Variants in FAM222A observed in about 807,000 individuals in gnomAD.
FAM222A encodes family with sequence similarity 222 member A.
A neutral mutation model predicts 25.8 loss-of-function variants in FAM222A; 7 were observed. That is an observed-to-expected ratio of 0.27 (90% CI 0.15 to 0.51). The LOEUF (loss-of-function observed/expected upper bound fraction) is 0.51. Among genes scored for constraint, FAM222A ranks in the 20% least tolerant of loss-of-function variants. The pLI is 0.97. For missense variants in FAM222A, 573 were observed against 640.5 expected, an observed-to-expected ratio of 0.89 and a Z score of 1.14; for synonymous variants, 294 against 298.8, an observed-to-expected ratio of 0.98 and a Z score of 0.17.
At chr12:109,738,495 G>A (rs1888145808) in intron 1 of FAM222A, among the ~76,000 whole-genome samples, 1 of 152,334 alleles carries the variant, frequency 6.6e-6, no homozygotes, top group Non-Finnish European at 1.5e-5. Flanking sequence ...ATGGAGGTGA[G>A]AACTGTGGGA....
At position 109,769,971 on chromosome 12, in the gene FAM222A, G is replaced by C. The variant is rs527771882; in HGVS notation, c.*683G>C. 5.1e-4 allele frequency: 77 copies of C among 152,358 alleles called. No homozygotes were observed. Among genetic ancestry groups the C allele is most frequent in the Non-Finnish European group, 9.1e-4 (62 of 68,192 alleles). 9.4% of individuals were successfully genotyped at this position (152,358 alleles called of 1,614,324 possible). ...CCTTCCCTCCAATACATCTTATAGG[G>C]CTGCTGGGTACAGTTGTTCAGGCTG... On this transcript the variant is annotated 3_prime_UTR_variant, in exon 3 of 3. Coordinates refer to ENST00000538780, the MANE Select transcript of FAM222A (RefSeq NM_032829.3).
At chr12:109,739,221 A>C (rs1476523626) in intron 1 of FAM222A, among the ~76,000 whole-genome samples, 1 of 152,220 alleles carries the variant, frequency 6.6e-6, no homozygotes, top group Non-Finnish European at 1.5e-5. Flanking sequence ...CTTGGGGTCA[A>C]CCCAGCCTGG....
Position 109,738,550 on chromosome 12 carries a change from G to C in FAM222A, c.-46-5551G>C, listed in dbSNP as rs1888147462. The stretch of plus-strand genomic sequence containing the variant: ...CTATCCTGCCACCACCCCCAGGAAG[G>C]CTGCGAGGCCCTGAGGAGTGGCCAG... On this transcript the variant is annotated intron_variant, in intron 1 of 2. Coordinates refer to ENST00000538780, the MANE Select transcript of FAM222A (RefSeq NM_032829.3). Among the ~76,000 whole-genome samples the C allele has an allele frequency of 2.6e-5, 4 of 152,320 alleles. No homozygotes were observed. In the South Asian group the frequency reaches 8.3e-4, roughly 32 times the overall value.
rs539267550 is a variant in FAM222A at position 109,744,037 on chromosome 12, G to C, written c.-46-64G>C. Reference sequence around the variant, plus strand: ...GGGGTTGCAGGGAGACTCCCGGGGGGAATGGTGGGAGGCGAACACGGAGCA... The same window carrying C: ...GGGGTTGCAGGGAGACTCCCGGGGGCAATGGTGGGAGGCGAACACGGAGCA... On this transcript the variant is annotated intron_variant, in intron 1 of 2. Coordinates refer to ENST00000538780, the MANE Select transcript of FAM222A (RefSeq NM_032829.3). 159 of 1,473,632 alleles carry C rather than the reference G, an allele frequency of 1.1e-4. 1 individual carries two copies. The highest frequency in any genetic ancestry group is 1.3e-4 in the Non-Finnish European group (144 of 1,114,476). 91.3% of individuals were successfully genotyped at this position (1,473,632 alleles called of 1,614,324 possible). A position where few individuals can be genotyped will look rare whatever the true frequency, so the allele number is the denominator to read the frequency against.
chr12:109,715,223 G>T (rs1003541055), intron 1 of FAM222A, among the ~76,000 whole-genome samples: 1 of 152,144 alleles, frequency 6.6e-6, no homozygotes, highest in Non-Finnish European at 1.5e-5. Flanking sequence ...GGAAGGGCTG[G>T]GGGGTGGGGG....
At chr12:109,765,511 C>T (rs1291030069) in intron 2 of FAM222A, among the ~76,000 whole-genome samples, 2 of 152,246 alleles carry the variant, frequency 1.3e-5, no homozygotes, top group Admixed American at 1.3e-4. Context: ...AGGGCCTTTG[C>T]CTGGGCTGTT....
chr12:109,742,954 A>G (rs968625965), intron 1 of FAM222A, among the ~76,000 whole-genome samples: 1 of 152,174 alleles, frequency 6.6e-6, no homozygotes, highest in African/African-American at 2.4e-5. Context: ...CCTGTTTAGT[A>G]TTAAATAACT....
Position 109,717,776 on chromosome 12 carries a change from C to G in FAM222A, c.-47+2879C>G, listed in dbSNP as rs568513220. On this transcript the variant is annotated intron_variant, in intron 1 of 2. Coordinates refer to ENST00000538780, the MANE Select transcript of FAM222A (RefSeq NM_032829.3). ...GGCAGTCTCCTCTCTTAAGGTTGGC[C>G]CCACCCCCACTAATCCTTCTCACTT... is the stretch of plus-strand genomic sequence containing the variant. Among the ~76,000 whole-genome samples the G allele has an allele frequency of 1.1e-3, 169 of 152,304 alleles. 1 individual carries two copies. Among genetic ancestry groups the G allele is most frequent in the African/African-American group, 4.1e-3 (169 of 41,556 alleles).
chr12:109,714,410 C>G lies in FAM222A; in HGVS notation c.-534C>G, dbSNP rs1887597489. The G allele has an allele frequency of 6.6e-6, 1 of 152,404 alleles. No homozygotes were observed. The highest frequency in any genetic ancestry group is 2.4e-5 in the African/African-American group (1 of 41,426). The allele number at this position is 152,404 out of a possible 1,614,324, so 9.4% of individuals were successfully genotyped here. On this transcript the variant is annotated 5_prime_UTR_variant, in exon 1 of 3. Transcript: ENST00000538780. The surrounding 1 kb of genome is among the most constrained non-coding windows in gnomAD (Gnocchi z 4.2). Reference sequence around the variant, plus strand: ...GACAATCCCTCCACCTCGGGGCGAACCCGGGGGCTGCAAGCCGCGGGCGGG... The same window carrying G: ...GACAATCCCTCCACCTCGGGGCGAAGCCGGGGGCTGCAAGCCGCGGGCGGG...
intron 2 of FAM222A, among the ~76,000 whole-genome samples, chr12:109,761,652 T>G (rs1417043140): frequency 1.3e-5 from 2 of 152,002 alleles, no homozygotes; most frequent in African/African-American, 4.8e-5. Context: ...CCTGTCCATA[T>G]CCCCCACATC....
chr12:109,739,487 C>G (rs1369935241), intron 1 of FAM222A, among the ~76,000 whole-genome samples: 2 of 152,192 alleles, frequency 1.3e-5, no homozygotes, highest in Non-Finnish European at 1.5e-5. Context: ...GAAGCAAGGC[C>G]TGGGCTTTAC....
Position 109,758,021 on chromosome 12 carries a change from AAGTC to A in FAM222A, c.83-9988_83-9985del, listed in dbSNP as rs373381798. 5.3e-4 allele frequency among the ~76,000 whole-genome samples: 81 copies of A among 152,318 alleles called. 2 individuals carry two copies. The South Asian group carries it at 0.015, about 29-fold the overall frequency. The stretch of plus-strand genomic sequence containing the variant: ...ACTGAGGCACATGGGAGCGTCAAGA[AAGTC>A]AGGCTGGAGAGGGATTAAAGTGTCC... On this transcript the variant is annotated intron_variant, in intron 2 of 2. Coordinates refer to ENST00000538780, the MANE Select transcript of FAM222A (RefSeq NM_032829.3).
At chr12:109,748,500 C>T (rs1888470732) in intron 2 of FAM222A, among the ~76,000 whole-genome samples, 1 of 152,010 alleles carries the variant, frequency 6.6e-6, no homozygotes, top group Non-Finnish European at 1.5e-5. Context: ...ACTGTTTGGG[C>T]TAGTGCAGTT....
intron 2 of FAM222A, among the ~76,000 whole-genome samples, chr12:109,748,091 G>A (rs1017648020): frequency 6.6e-6 from 1 of 152,120 alleles, no homozygotes; most frequent in Admixed American, 6.5e-5. Flanking sequence ...ATCAAGAATG[G>A]AAGTTGAACT....
intron 1 of FAM222A, among the ~76,000 whole-genome samples, chr12:109,721,159 C>CT (rs60324391): frequency 0.11 from 16,037 of 152,174 alleles, 1,752 homozygotes; most frequent in East Asian, 0.43. Context: ...GAAACTTAGC[C>CT]TGATGATGTG....
chr12:109,757,303 A>C (rs1382154619), intron 2 of FAM222A, among the ~76,000 whole-genome samples: 1 of 152,220 alleles, frequency 6.6e-6, no homozygotes, highest in Non-Finnish European at 1.5e-5. Context: ...AAGCAAAGGG[A>C]CCAAAAATGG....
intron 2 of FAM222A, among the ~76,000 whole-genome samples, chr12:109,761,969 T>C (rs901780608): frequency 1.4e-5 from 2 of 144,516 alleles, no homozygotes; most frequent in East Asian, 4.5e-4. Context: ...CACCAACTGC[T>C]TCCCCAGCTG....
At chr12:109,736,570 A>G (rs1016223238) in intron 1 of FAM222A, among the ~76,000 whole-genome samples, 4 of 152,132 alleles carry the variant, frequency 2.6e-5, no homozygotes, top group African/African-American at 9.7e-5. Flanking sequence ...GGGTGACCCC[A>G]ACATGGCCAC....
intron 2 of FAM222A, among the ~76,000 whole-genome samples, chr12:109,754,668 T>C (rs1240210770): frequency 9.6e-6 from 1 of 104,460 alleles, no homozygotes; most frequent in Non-Finnish European, 1.9e-5. Context: ...TTGGGACTCT[T>C]TTTTTTTTTT....
Sources: gnomAD v4.1 joint callset for allele counts (sites outside exome capture counted in the v4.1 genomes callset) on GRCh38, gnomAD v4.1.1 for gene constraint, Gnocchi (gnomAD v3.1) non-coding constraint, MANE v1.5 for transcripts, NCBI Gene and HGNC (gene_info 2026-07-23, HGNC 2026-07-21) for gene names.